Variants in RTN1 observed in about 807,000 individuals in gnomAD.
RTN1 encodes reticulon-1.
RTN1 carries 25 observed loss-of-function variants against 65.5 expected under a neutral mutation model. The observed-to-expected ratio is 0.38, with a 90% CI of 0.28 to 0.53. RTN1 has a LOEUF of 0.53. Ranked by LOEUF, RTN1 falls within the 20% of genes least tolerant of loss-of-function variation. The pLI, the probability that RTN1 is intolerant of heterozygous loss-of-function variation, is 0.79. For missense variants in RTN1, 983 were observed against 1,025.4 expected (o/e 0.96, Z 0.57); for synonymous variants, 471 against 447.6 (o/e 1.05, Z -0.66).
At chr14:59,676,089 A>T (rs545478685) in intron 3 of RTN1, among the ~76,000 whole-genome samples, 2 of 152,190 alleles carry the variant, frequency 1.3e-5, no homozygotes, top group African/African-American at 4.8e-5. Context: ...TCATTGTATC[A>T]TTAATACCTA....
intron 3 of RTN1, among the ~76,000 whole-genome samples, chr14:59,706,948 G>C (rs1290531931): frequency 6.6e-6 from 1 of 152,160 alleles, no homozygotes; most frequent in Non-Finnish European, 1.5e-5. Context: ...TTGAGGGTTG[G>C]TAAAGCATAC....
intron 3 of RTN1, among the ~76,000 whole-genome samples, chr14:59,665,980 G>A (rs945490106): frequency 9.2e-5 from 14 of 152,088 alleles, no homozygotes; most frequent in South Asian, 2.1e-4. Context: ...AGACGCCCAC[G>A]CAATAATAAT....
At chr14:59,853,033 T>C (rs539421660) in intron 1 of RTN1, among the ~76,000 whole-genome samples, 1 of 152,338 alleles carries the variant, frequency 6.6e-6, no homozygotes, top group South Asian at 2.1e-4. Flanking sequence ...ATGAAACTAT[T>C]GCCCCTGTGT....
chr14:59,643,707 G>A (rs1484775121), intron 3 of RTN1, among the ~76,000 whole-genome samples: 1 of 151,962 alleles, frequency 6.6e-6, no homozygotes, highest in African/African-American at 2.4e-5. Context: ...TATATACCAT[G>A]GAAAAGATAG....
intron 3 of RTN1, among the ~76,000 whole-genome samples, chr14:59,699,306 A>G (rs778459622): frequency 1.2e-4 from 18 of 152,040 alleles, no homozygotes; most frequent in Non-Finnish European, 2.1e-4. Flanking sequence ...AATAAAAACA[A>G]AAGTTAATAA....
chr14:59,633,128 G>T (rs185403888), intron 3 of RTN1, among the ~76,000 whole-genome samples: 1 of 152,110 alleles, frequency 6.6e-6, no homozygotes, highest in African/African-American at 2.4e-5. Context: ...ATGTCAGCTT[G>T]GCTGAAAGAT....
At chr14:59,729,335 A>C (rs1042677631) in intron 2 of RTN1, among the ~76,000 whole-genome samples, 5 of 152,192 alleles carry the variant, frequency 3.3e-5, no homozygotes, top group African/African-American at 1.2e-4. Context: ...TGAGATTAGA[A>C]GACATTGGAG....
chr14:59,704,432 TG>T (rs1415314484), intron 3 of RTN1, among the ~76,000 whole-genome samples: 3 of 152,182 alleles, frequency 2.0e-5, no homozygotes, highest in Non-Finnish European at 4.4e-5. Context: ...AGATGCAATA[TG>T]GTCTGCCATC....
rs1887889019 is a variant in RTN1, at chr14:59,870,728, G to A, written c.-98C>T. 2.1e-5 allele frequency: 25 copies of A among 1,219,090 alleles called. No individual in the cohort carries two copies. The highest frequency in any genetic ancestry group is 3.4e-5 in the East Asian group (1 of 29,838). 75.5% of individuals were successfully genotyped at this position (1,219,090 alleles called of 1,614,324 possible). On this transcript the variant is annotated 5_prime_UTR_variant, in exon 1 of 9. Coordinates refer to ENST00000267484, the MANE Select transcript of RTN1 (RefSeq NM_021136.3). This position sits in a 1 kb window ranked among gnomAD's most constrained non-coding sequence, Gnocchi z 5.1. ...GCTGCTGTCCCCGGAGGGACTCGGC[G>A]CTCAGGGAAGCTGCGGTGTCTCAGC...
At chr14:59,770,144 G>A (rs1032911003) in intron 1 of RTN1, among the ~76,000 whole-genome samples, 1 of 152,116 alleles carries the variant, frequency 6.6e-6, no homozygotes, top group East Asian at 1.9e-4. Flanking sequence ...TTGGGAGGCC[G>A]AGGTGGGCAG....
intron 3 of RTN1, among the ~76,000 whole-genome samples, chr14:59,705,015 A>G (rs1280319295): frequency 6.6e-6 from 1 of 152,228 alleles, no homozygotes; most frequent in African/African-American, 2.4e-5. Context: ...CTGGATAAAA[A>G]GTTTATATAT....
Position 59,596,754 on chromosome 14 carries a change from A to C in RTN1, c.2322T>G (p.His774Gln), listed in dbSNP as rs6573275. 6.2e-7 allele frequency: 1 copy of C among 1,611,292 alleles called. No individual in the cohort carries two copies. The highest frequency in any genetic ancestry group is 1.3e-5 in the African/African-American group (1 of 74,808). ...CCGGTGGGAAATCAGTTTACTCAGC[A>C]TGCCTCTTAGCGCCTGGGATTTTAG... is the stretch of plus-strand genomic sequence containing the variant. ...IQAKIPGAKR[H>Q]AE Residue 774 changes from histidine (H) to glutamine (Q), a missense_variant, in exon 9 of 9, where the codon CAT (histidine) becomes CAG (glutamine). This residue lies in a region of RTN1 where 165 missense variants were observed against 223.6 expected (regional missense o/e 0.74). Coordinates refer to ENST00000267484, the MANE Select transcript of RTN1 (RefSeq NM_021136.3).
chr14:59,640,161 C>T (rs34201771), intron 3 of RTN1, among the ~76,000 whole-genome samples: 22 of 152,042 alleles, frequency 1.4e-4, no homozygotes, highest in Middle Eastern at 3.2e-3. Flanking sequence ...CACCACCAAG[C>T]CCATCTGGGC....
chr14:59,750,520 T>C (rs1179764808), intron 1 of RTN1, among the ~76,000 whole-genome samples: 1 of 55,102 alleles, frequency 1.8e-5, no homozygotes, highest in Non-Finnish European at 3.0e-5. Context: ...ATATAATATA[T>C]CTATAATATA....
At chr14:59,789,985 T>C (rs927972842) in intron 1 of RTN1, among the ~76,000 whole-genome samples, 2 of 152,102 alleles carry the variant, frequency 1.3e-5, no homozygotes, top group East Asian at 3.9e-4. Context: ...TGGAATTATA[T>C]ATAAACTTAC....
chr14:59,637,627 G>A (rs567787346), intron 3 of RTN1, among the ~76,000 whole-genome samples: 42 of 150,582 alleles, frequency 2.8e-4, no homozygotes, highest in Admixed American at 4.0e-4. Context: ...CAGGAGAATC[G>A]CTTGAACCTG....
intron 1 of RTN1, among the ~76,000 whole-genome samples, chr14:59,824,378 T>C (rs949636964): frequency 2.6e-5 from 4 of 152,258 alleles, no homozygotes; most frequent in Admixed American, 2.6e-4. Context: ...TCTGTGGACC[T>C]TTGCTAATAC....
At position 59,745,870 on chromosome 14, in the gene RTN1, G is replaced by A; in HGVS notation, c.853C>T (p.Leu285=). 6.2e-7 allele frequency: 1 copy of A among 1,614,128 alleles called. No individual in the cohort carries two copies. Among genetic ancestry groups the A allele is most frequent in the Middle Eastern group, 1.6e-4 (1 of 6,062 alleles). The change falls in exon 2 of 9, where the codon CTG becomes TTG. Residue 285 remains leucine, a synonymous_variant. Transcript: ENST00000267484. ...TCAACAGAAGGTTCTATTTCCGTCA[G>A]TGTGATTTTGACAGGGGTGGTGATC... The part of the protein sequence containing the change: ...PQITTPVKIT[L]TEIEPSVETT...
rs544984508 is a variant in RTN1, at chr14:59,605,603, T to C, written c.1974-97A>G. ...CAGCTAAGCGTTCCTACTCTCACTC[T>C]GAGGGTGAGAGCAGGAGTCATCTCT... On this transcript the variant is annotated intron_variant, in intron 4 of 8. Transcript: ENST00000267484. 3.0e-6 allele frequency: 4 copies of C among 1,336,062 alleles called. No homozygotes were observed. In the African/African-American group the frequency reaches 5.7e-5, roughly 19 times the overall value. The allele number at this position is 1,336,062 out of a possible 1,614,324, so 82.8% of individuals were successfully genotyped here.
Sources: allele counts gnomAD v4.1 joint callset (sites outside exome capture counted in the v4.1 genomes callset), GRCh38; gene constraint gnomAD v4.1.1; regional missense constraint gnomAD v4.1.1; non-coding constraint Gnocchi (gnomAD v3.1); transcripts MANE v1.5; gene names NCBI Gene and HGNC (gene_info 2026-07-23, HGNC 2026-07-21).